The following CDADC1 variants were observed in gnomAD, a reference collection of about 807,000 sequenced individuals.
CDADC1 encodes cytidine and dCMP deaminase domain containing 1.
CDADC1 carries 39 observed loss-of-function variants against 54.9 expected under a neutral mutation model. That is an observed-to-expected ratio of 0.71 (90% CI 0.55 to 0.93). The LOEUF (loss-of-function observed/expected upper bound fraction) is 0.93. CDADC1 is among the 40% of genes least tolerant of loss of function. CDADC1 has a pLI of 0.00. For synonymous variants in CDADC1, 186 were observed against 204.0 expected, an observed-to-expected ratio of 0.91 and a Z score of 0.75; for missense variants, 518 against 618.8, an observed-to-expected ratio of 0.84 and a Z score of 1.73.
At chr13:49,248,528 A>G (rs1952348347) in intron 1 of CDADC1, 1 of 323,542 alleles carries the variant, frequency 3.1e-6, no homozygotes, top group Non-Finnish European at 5.7e-6. Context: ...GCCCCATCAC[A>G]GTCCAAAGAA....
chr13:49,254,797 C>T (rs1352661253), intron 2 of CDADC1, among the ~76,000 whole-genome samples: 2 of 152,168 alleles, frequency 1.3e-5, no homozygotes, highest in African/African-American at 4.8e-5. Flanking sequence ...AAATCATAAG[C>T]CCTGTGAGAG....
intron 8 of CDADC1, among the ~76,000 whole-genome samples, chr13:49,284,246 A>G (rs1953441137): frequency 2.0e-5 from 3 of 152,184 alleles, no homozygotes; most frequent in Admixed American, 2.0e-4. Flanking sequence ...TATTTTTATT[A>G]TGAAAGTAGT....
chr13:49,292,750 T>C lies in CDADC1; in HGVS notation c.*993T>C, dbSNP rs1160403847. On this transcript the variant is annotated 3_prime_UTR_variant, in exon 10 of 10. Coordinates refer to ENST00000251108, the MANE Select transcript of CDADC1 (RefSeq NM_030911.4). ...AACATTCAGAAAATTATTCCAAAAATGAAGGTACATTTTCTGTTCTCTCCT... is the reference window on the plus strand; with the variant it reads ...AACATTCAGAAAATTATTCCAAAAACGAAGGTACATTTTCTGTTCTCTCCT... 10 of 1,272,898 alleles carry C rather than the reference T, an allele frequency of 7.9e-6. No homozygotes were observed. The highest frequency in any genetic ancestry group is 1.0e-5 in the Non-Finnish European group (10 of 982,738). The allele number at this position is 1,272,898 out of a possible 1,614,324, so 78.9% of individuals were successfully genotyped here.
intron 7 of CDADC1, 115 bp downstream of exon 7, chr13:49,278,634 C>G (rs2138249840): frequency 3.5e-6 from 3 of 858,536 alleles, no homozygotes; most frequent in Middle Eastern, 3.2e-4. Context: ...AGTTTCCTTT[C>G]AGAAGTATAA....
At chr13:49,257,636 G>A (rs1952577128) in intron 3 of CDADC1, among the ~76,000 whole-genome samples, 1 of 152,106 alleles carries the variant, frequency 6.6e-6, no homozygotes, top group Admixed American at 6.6e-5. Flanking sequence ...CGGGCGTGGT[G>A]GCAGCTACTC....
intron 4 of CDADC1, among the ~76,000 whole-genome samples, chr13:49,264,720 TAA>T (rs34176559): frequency 5.3e-4 from 76 of 142,116 alleles, no homozygotes; most frequent in Middle Eastern, 3.7e-3. Context: ...GGTCTCTATT[TAA>T]AAAAAAAAAA....
chr13:49,280,805 AATTATT>A lies in CDADC1; in HGVS notation c.1410+132_1410+137del, dbSNP rs10626538. 2.4e-3 allele frequency: 552 copies of A among 228,266 alleles called. 2 individuals are homozygous for A. Among genetic ancestry groups the A allele is most frequent in the African/African-American group, 0.01 (423 of 41,080 alleles). 14.1% of individuals were successfully genotyped at this position (228,266 alleles called of 1,614,324 possible). A position where few individuals can be genotyped will look rare whatever the true frequency, so the allele number is the denominator to read the frequency against. Reference sequence around the variant, plus strand: ...CCCACCCTTTTAAAGAGTTTCAACAAATTATTATTATTATTATTATTATTATTATTT... The same window carrying A: ...CCCACCCTTTTAAAGAGTTTCAACAAATTATTATTATTATTATTATTATTT... On this transcript the variant is annotated intron_variant, in intron 8 of 9. Coordinates refer to ENST00000251108, the MANE Select transcript of CDADC1 (RefSeq NM_030911.4).
intron 6 of CDADC1, 78 bp from the exon 7 acceptor site, chr13:49,278,272 A>G: frequency 9.3e-7 from 1 of 1,074,086 alleles, no homozygotes; most frequent in Non-Finnish European, 1.3e-6. Flanking sequence ...ACAAAGTATG[A>G]TAGCAAGCTT....
At chr13:49,265,845 C>A (rs1159978826) in intron 4 of CDADC1, 1 of 1,293,424 alleles carries the variant, frequency 7.7e-7, no homozygotes. Context: ...ACACAAATGT[C>A]TGTCTAAAGA....
intron 2 of CDADC1, among the ~76,000 whole-genome samples, chr13:49,249,338 A>G (rs950522166): frequency 7.2e-5 from 11 of 152,228 alleles, no homozygotes; most frequent in African/African-American, 4.8e-5. Context: ...GTCTTATTTT[A>G]CCTAGCATAT....
chr13:49,275,114 C>A (rs933201464), intron 6 of CDADC1, among the ~76,000 whole-genome samples: 1 of 147,672 alleles, frequency 6.8e-6, no homozygotes, highest in South Asian at 2.1e-4. Context: ...GAGACAGAGT[C>A]CCCCTCTGTC....
chr13:49,262,786 C>T lies in CDADC1; in HGVS notation c.430+3263C>T, dbSNP rs542908687. 3.3e-5 allele frequency among the ~76,000 whole-genome samples: 5 copies of T among 152,188 alleles called. No homozygotes were observed. In the South Asian group the frequency reaches 6.2e-4, roughly 19 times the overall value. On this transcript the variant is annotated intron_variant, in intron 4 of 9. Transcript: ENST00000251108. ...CTCATGATCTGCCCACCTCAGCCTC[C>T]GAAAGTGCTGGGATTACAGGCGTGA...
intron 4 of CDADC1, chr13:49,265,928 C>G: frequency 7.7e-7 from 1 of 1,302,590 alleles, no homozygotes. Flanking sequence ...ACCATCACTG[C>G]TGGTTAGGAA....
chr13:49,248,282 C>T lies in CDADC1; in HGVS notation c.82+163C>T, dbSNP rs541170045. 22 of 606,036 alleles carry T rather than the reference C, an allele frequency of 3.6e-5. No homozygotes were observed. In the East Asian group the frequency reaches 6.3e-4, roughly 17 times the overall value. The allele number at this position is 606,036 out of a possible 1,614,324, so 37.5% of individuals were successfully genotyped here. On this transcript the variant is annotated intron_variant, in intron 1 of 9. Coordinates refer to ENST00000251108, the MANE Select transcript of CDADC1 (RefSeq NM_030911.4). ...CGTGTCCCCTCCGCGGTCGCCAGGA[C>T]CAATCGGCTCGGTCGCACTGGCTTT...
At chr13:49,272,002 C>T (rs896586123) in intron 5 of CDADC1, among the ~76,000 whole-genome samples, 1 of 152,164 alleles carries the variant, frequency 6.6e-6, no homozygotes, top group African/African-American at 2.4e-5. Context: ...AAAGAATATT[C>T]TCTTGATGTA....
chr13:49,289,120 CTTTTT>C (rs66814830), intron 9 of CDADC1, among the ~76,000 whole-genome samples: 1 of 60,990 alleles, frequency 1.6e-5, no homozygotes, highest in African/African-American at 6.5e-5. Context: ...TTTTTTTTTG[CTTTTT>C]TTTTTTTTTT....
intron 2 of CDADC1, among the ~76,000 whole-genome samples, chr13:49,251,067 A>C (rs1409677273): frequency 6.6e-6 from 1 of 152,052 alleles, no homozygotes; most frequent in East Asian, 1.9e-4. Flanking sequence ...TTTTGTTTTC[A>C]GATAAAATTT....
rs1952332953 is a variant in CDADC1, at chr13:49,247,962, G to C, written c.-76G>C. ...CCTTACAGTTGCTGAGAGGAGGCGA[G>C]AGGCGGGGGCGCTAGGGCCGAGATC... On this transcript the variant is annotated 5_prime_UTR_variant, in exon 1 of 10. Coordinates refer to ENST00000251108, the MANE Select transcript of CDADC1 (RefSeq NM_030911.4). 7.4e-7 allele frequency: 1 copy of C among 1,349,008 alleles called. No individual in the cohort carries two copies. Among genetic ancestry groups the C allele is most frequent in the African/African-American group, 1.4e-5 (1 of 69,256 alleles). The allele number at this position is 1,349,008 out of a possible 1,614,324, so 83.6% of individuals were successfully genotyped here.
intron 2 of CDADC1, among the ~76,000 whole-genome samples, chr13:49,249,471 C>G (rs569793062): frequency 3.9e-5 from 6 of 152,262 alleles, no homozygotes; most frequent in Admixed American, 6.5e-5. Context: ...CAGTGGCTCA[C>G]GCCTGTAATC....
Sources: gnomAD v4.1 joint callset for allele counts (sites outside exome capture counted in the v4.1 genomes callset) on GRCh38, gnomAD v4.1.1 for gene constraint, MANE v1.5 for transcripts, NCBI Gene and HGNC (gene_info 2026-07-23, HGNC 2026-07-21) for gene names.